Variants in DOCK7 observed in about 807,000 individuals in gnomAD.
The protein encoded by DOCK7 is dedicator of cytokinesis protein 7.
In DOCK7, 138 loss-of-function variants were observed where a neutral mutation model predicts 271.0. The observed-to-expected ratio is 0.51, with a 90% CI of 0.44 to 0.59. The LOEUF (loss-of-function observed/expected upper bound fraction) is 0.59. Ranked by LOEUF, DOCK7 falls within the 20% of genes least tolerant of loss-of-function variation. DOCK7 has a pLI of 0.00. For missense variants in DOCK7, 2,066 were observed against 2,592.4 expected (o/e 0.80, Z 4.41); for synonymous variants, 823 against 876.1 (o/e 0.94, Z 1.07).
Position 62,457,591 on chromosome 1 carries a change from G to T in DOCK7, c.6327C>A (p.Ile2109=), listed in dbSNP as rs1254157111. The part of the protein sequence containing the change: ...HRLKEALQPL[I]NRKIPQLYKA... ...TGTATAACTGAGGGATCTTTCTGTT[G>T]ATCAGTGGCTGTAGGGCCTCTTTAA... Residue 2109 remains isoleucine, a synonymous_variant, in exon 49 of 50, where the codon ATC becomes ATA. Coordinates refer to ENST00000635253, the MANE Select transcript of DOCK7 (RefSeq NM_001367561.1). 8 of 1,614,126 alleles carry T rather than the reference G, an allele frequency of 5.0e-6. No individual in the cohort carries two copies. Among genetic ancestry groups the T allele is most frequent in the Non-Finnish European group, 6.8e-6 (8 of 1,180,024 alleles).
chr1:62,628,457 A>G, intron 11 of DOCK7: 1 of 152,258 alleles, frequency 6.6e-6, no homozygotes. Context: ...GGAAAAGAAT[A>G]GCCTTTTTAA....
intron 28 of DOCK7, among the ~76,000 whole-genome samples, chr1:62,536,495 A>T (rs1313887758): frequency 6.6e-6 from 1 of 152,218 alleles, no homozygotes; most frequent in Non-Finnish European, 1.5e-5. Flanking sequence ...GGCAGAGGAC[A>T]GGGAAAGAAA....
chr1:62,545,301 G>C (rs991990646), intron 22 of DOCK7, among the ~76,000 whole-genome samples: 2 of 151,866 alleles, frequency 1.3e-5, no homozygotes, highest in African/African-American at 4.8e-5. Flanking sequence ...GAATACTCTT[G>C]AAGTACCAAT....
intron 7 of DOCK7, among the ~76,000 whole-genome samples, chr1:62,639,452 T>TTTTTTTTTTG (rs1655711601): frequency 6.9e-6 from 1 of 144,250 alleles, no homozygotes; most frequent in African/African-American, 2.6e-5. Context: ...TTTTTTTTTT[T>TTTTTTTTTTG]GAGATGGAGT....
chr1:62,589,354 T>C (rs547734450), intron 14 of DOCK7, among the ~76,000 whole-genome samples: 29 of 152,152 alleles, frequency 1.9e-4, no homozygotes, highest in Non-Finnish European at 2.9e-4. Context: ...ATTATTCTTA[T>C]GGATGATTAA....
At chr1:62,518,695 G>A (rs1239598358) in intron 31 of DOCK7, among the ~76,000 whole-genome samples, 2 of 151,822 alleles carry the variant, frequency 1.3e-5, no homozygotes, top group Non-Finnish European at 2.9e-5. Flanking sequence ...AGCCAAGACT[G>A]CACCACTGCA....
chr1:62,630,040 C>T (rs7520810), intron 11 of DOCK7, among the ~76,000 whole-genome samples: 64,144 of 152,066 alleles, frequency 0.42, 15,358 homozygotes, highest in African/African-American at 0.66. Context: ...CAAATGCACC[C>T]GACAGCAGTA....
In DOCK7 at chr1:62,625,303, T is replaced by C. The variant is rs750311639; in HGVS notation, c.1381A>G (p.Ser461Gly). 6.2e-7 allele frequency: 1 copy of C among 1,614,016 alleles called. No homozygotes were observed. The highest frequency in any genetic ancestry group is 8.5e-7 in the Non-Finnish European group (1 of 1,179,966). Reference protein sequence around the residue: ...TSGDDACNLTSFRPATLTVTN... With the variant: ...TSGDDACNLTGFRPATLTVTN... ...ACTGTGAGAGTAGCTGGTCGAAAGC[T>C]CGTCAAGTTACAAGCATCATCTCCA... The change falls in exon 12 of 50, where the codon AGC becomes GGC. Residue 461 changes from serine (S) to glycine (G), a missense_variant. Around this residue, in one of 2 missense-constraint regions of DOCK7, gnomAD observed 1,414 missense variants for 1,670.4 expected, o/e 0.85. Coordinates refer to ENST00000635253, the MANE Select transcript of DOCK7 (RefSeq NM_001367561.1).
At chr1:62,619,837 A>C in intron 13 of DOCK7, 63 bp downstream of exon 13, 1 of 1,019,070 alleles carries the variant, frequency 9.8e-7, no homozygotes, top group Non-Finnish European at 1.5e-6. Flanking sequence ...CATAATTATA[A>C]GCAATACAAC....
intron 2 of DOCK7, among the ~76,000 whole-genome samples, chr1:62,660,916 T>C (rs754624161): frequency 1.1e-4 from 17 of 151,958 alleles, no homozygotes; most frequent in Non-Finnish European, 1.6e-4. Context: ...CTAGGCAACA[T>C]AGTGAGACCC....
At chr1:62,519,862 G>A (rs1644793206) in intron 31 of DOCK7, among the ~76,000 whole-genome samples, 1 of 152,064 alleles carries the variant, frequency 6.6e-6, no homozygotes, top group South Asian at 2.1e-4. Context: ...TATACTACAA[G>A]GCTACAGTAA....
chr1:62,513,261 G>GC (rs958900885), intron 33 of DOCK7, among the ~76,000 whole-genome samples, 183 bp downstream of exon 33: 2 of 98,006 alleles, frequency 2.0e-5, no homozygotes, highest in African/African-American at 6.6e-5. Flanking sequence ...AACGGGGGGG[G>GC]GGGGGCGGTA....
At chr1:62,649,503 A>C (rs1657077749) in intron 4 of DOCK7, among the ~76,000 whole-genome samples, 1 of 152,222 alleles carries the variant, frequency 6.6e-6, no homozygotes, top group South Asian at 2.1e-4. Context: ...CTTAATCTTT[A>C]ATGGAATGTT....
chr1:62,606,389 C>T (rs1037140178), intron 14 of DOCK7, among the ~76,000 whole-genome samples: 7 of 151,276 alleles, frequency 4.6e-5, no homozygotes, highest in South Asian at 2.1e-4. Flanking sequence ...ACGTTTTCCC[C>T]ATATAAAGCT....
At chr1:62,473,437 T>G (rs903318404) in intron 48 of DOCK7, among the ~76,000 whole-genome samples, 2 of 152,214 alleles carry the variant, frequency 1.3e-5, no homozygotes, top group African/African-American at 4.8e-5. Context: ...TTCCTGAGCC[T>G]TGGCTTTTCT....
At chr1:62,675,771 C>T (rs148659922) in intron 1 of DOCK7, among the ~76,000 whole-genome samples, 5 of 151,362 alleles carry the variant, frequency 3.3e-5, no homozygotes, top group African/African-American at 9.7e-5. Context: ...GGCGACAGTG[C>T]GAGACTCCAT....
intron 14 of DOCK7, chr1:62,602,493 G>A: frequency 1.2e-6 from 1 of 858,744 alleles, no homozygotes; most frequent in Admixed American, 1.8e-5. Context: ...AGCAGTCTCA[G>A]CCTTCATATA....
chr1:62,586,581 G>A lies in DOCK7; in HGVS notation c.1726C>T (p.Arg576Cys). Residue 576 changes from arginine (R) to cysteine (C), a missense_variant, in exon 15 of 50, where the codon CGT (arginine) becomes TGT (cysteine). Transcript: ENST00000635253. ...GTTATATTTCTAGCAGAACCTTGAC[G>A]ATTGGCAAAATTAAGACTCTGAGGG... ...IYPQSLNFANRQGSARNITVK... is the reference protein window; with the variant it reads ...IYPQSLNFANCQGSARNITVK... 6.2e-7 allele frequency: 1 copy of A among 1,612,854 alleles called. No individual in the cohort carries two copies. The highest frequency in any genetic ancestry group is 8.5e-7 in the Non-Finnish European group (1 of 1,179,218).
intron 43 of DOCK7, chr1:62,484,489 C>T (rs1227632827): frequency 6.6e-6 from 1 of 152,006 alleles, no homozygotes; most frequent in Non-Finnish European, 1.5e-5. Context: ...ACAAACTTTT[C>T]TTTTTTAACC....
Sources: allele counts gnomAD v4.1 joint callset (sites outside exome capture counted in the v4.1 genomes callset), GRCh38; gene constraint gnomAD v4.1.1; regional missense constraint gnomAD v4.1.1; transcripts MANE v1.5; gene names NCBI Gene and HGNC (gene_info 2026-07-23, HGNC 2026-07-21).